PTPRZ1: variants seen among roughly 807,000 people sequenced by gnomAD.
PTPRZ1 encodes the protein protein tyrosine phosphatase receptor type Z1.
Under a neutral mutation model 214.1 loss-of-function variants are expected in PTPRZ1, and 82 were observed. The observed-to-expected ratio is 0.38, with a 90% CI of 0.32 to 0.46. PTPRZ1 has a LOEUF of 0.46. Ranked by LOEUF, PTPRZ1 falls within the 20% of genes least tolerant of loss-of-function variation. PTPRZ1 has a pLI of 1.00. For synonymous variants in PTPRZ1, 945 were observed against 987.9 expected (o/e 0.96, Z 0.81); for missense variants, 2,603 against 2,748.7 (o/e 0.95, Z 1.19).
At chr7:122,009,909 T>G (rs1798596010) in intron 11 of PTPRZ1, among the ~76,000 whole-genome samples, 1 of 152,200 alleles carries the variant, frequency 6.6e-6, no homozygotes, top group African/African-American at 2.4e-5. Context: ...TTCAACTACT[T>G]TGGTCTTTAA....
intron 11 of PTPRZ1, among the ~76,000 whole-genome samples, chr7:122,008,944 A>G (rs1446087068): frequency 6.6e-6 from 1 of 152,136 alleles, no homozygotes; most frequent in Non-Finnish European, 1.5e-5. Context: ...TTAGGTTTGT[A>G]GATTATAGGA....
At chr7:122,056,307 A>G (rs1156585796) in intron 27 of PTPRZ1, among the ~76,000 whole-genome samples, 1 of 151,858 alleles carries the variant, frequency 6.6e-6, no homozygotes, top group African/African-American at 2.4e-5. Context: ...TTTTTCTCCT[A>G]GTATTATTCA....
intron 1 of PTPRZ1, among the ~76,000 whole-genome samples, chr7:121,919,921 A>C (rs1299106237): frequency 1.3e-5 from 2 of 152,082 alleles, no homozygotes; most frequent in African/African-American, 4.8e-5. Flanking sequence ...ATAAATTTTC[A>C]AAAAAATTCT....
intron 1 of PTPRZ1, among the ~76,000 whole-genome samples, chr7:121,885,169 T>G (rs1008495238): frequency 1.3e-5 from 2 of 152,204 alleles, no homozygotes; most frequent in African/African-American, 4.8e-5. Flanking sequence ...GCAAAATGTG[T>G]ATGTTAAAAC....
At chr7:121,962,552 C>G (rs1364158476) in intron 2 of PTPRZ1, among the ~76,000 whole-genome samples, 1 of 151,724 alleles carries the variant, frequency 6.6e-6, no homozygotes, top group African/African-American at 2.4e-5. Flanking sequence ...GTTCTTTTGT[C>G]TTTGTTTTAT....
intron 8 of PTPRZ1, 84 bp downstream of exon 8, chr7:121,984,201 G>T (rs1797702037): frequency 8.4e-7 from 1 of 1,197,450 alleles, no homozygotes; most frequent in African/African-American, 1.5e-5. Flanking sequence ...AAATATAGAG[G>T]ACTTAGAGCT....
At chr7:121,997,029 C>T (rs1004477394) in intron 9 of PTPRZ1, among the ~76,000 whole-genome samples, 1 of 152,140 alleles carries the variant, frequency 6.6e-6, no homozygotes, top group Non-Finnish European at 1.5e-5. Context: ...TGGGTCAGAA[C>T]TTTGGGGATG....
chr7:122,046,276 C>A (rs1304723994), intron 23 of PTPRZ1, among the ~76,000 whole-genome samples: 1 of 151,960 alleles, frequency 6.6e-6, no homozygotes, highest in African/African-American at 2.4e-5. Context: ...GGGTGGGTGG[C>A]ATGAGCCTGT....
chr7:122,061,334 C>T lies in PTPRZ1; in HGVS notation c.*114C>T. Reference sequence around the variant, plus strand: ...TTGATTTCCCATCACCTGACAGTAACTTTCATGACATAGGATTCTGCCGCC... The same window carrying T: ...TTGATTTCCCATCACCTGACAGTAATTTTCATGACATAGGATTCTGCCGCC... On this transcript the variant is annotated 3_prime_UTR_variant, in exon 30 of 30. Coordinates refer to ENST00000393386, the MANE Select transcript of PTPRZ1 (RefSeq NM_002851.3). The T allele has an allele frequency of 6.5e-6, 7 of 1,079,096 alleles. No homozygotes were observed. Among genetic ancestry groups the T allele is most frequent in the Non-Finnish European group, 8.6e-6 (7 of 811,424 alleles). The allele number at this position is 1,079,096 out of a possible 1,614,324, so 66.8% of individuals were successfully genotyped here.
chr7:122,013,928 G>T (rs769676587), intron 12 of PTPRZ1, 39 bp downstream of exon 12: 1 of 1,467,836 alleles, frequency 6.8e-7, no homozygotes, highest in South Asian at 1.4e-5. Context: ...AGGTGTGGTG[G>T]TTTGCTTGCT....
At chr7:121,976,948 A>G in intron 6 of PTPRZ1, 97 bp downstream of exon 6, 1 of 952,412 alleles carries the variant, frequency 1.0e-6, no homozygotes, top group Non-Finnish European at 1.6e-6. Context: ...AAAAGGTGGA[A>G]AGTACTACAT....
chr7:121,954,776 G>C (rs1361115210), intron 2 of PTPRZ1, among the ~76,000 whole-genome samples: 1 of 152,146 alleles, frequency 6.6e-6, no homozygotes. Context: ...ACAAATAAAA[G>C]CTGCAATCAG....
intron 1 of PTPRZ1, among the ~76,000 whole-genome samples, chr7:121,884,736 A>G (rs531364293): frequency 1.4e-4 from 21 of 152,362 alleles, no homozygotes; most frequent in African/African-American, 4.3e-4. Context: ...GGTTACAGAT[A>G]TGAATTGTAC....
At chr7:121,902,242 T>C (rs1794983351) in intron 1 of PTPRZ1, among the ~76,000 whole-genome samples, 1 of 152,216 alleles carries the variant, frequency 6.6e-6, no homozygotes, top group African/African-American at 2.4e-5. Flanking sequence ...TTAAAATTCA[T>C]TTATCCATTG....
intron 13 of PTPRZ1, among the ~76,000 whole-genome samples, chr7:122,024,205 G>T (rs1365154092): frequency 6.6e-6 from 1 of 150,968 alleles, no homozygotes; most frequent in Non-Finnish European, 1.5e-5. Flanking sequence ...AAGTTTCTAA[G>T]ATGCAAAAAT....
intron 1 of PTPRZ1, among the ~76,000 whole-genome samples, chr7:121,922,128 CA>C: frequency 6.6e-6 from 1 of 152,210 alleles, no homozygotes; most frequent in African/African-American, 2.4e-5. Flanking sequence ...CTTAGCAAAT[CA>C]AGGTTTTGGG....
intron 11 of PTPRZ1, among the ~76,000 whole-genome samples, chr7:122,008,635 A>G (rs1798559968): frequency 6.6e-6 from 1 of 152,094 alleles, no homozygotes; most frequent in Non-Finnish European, 1.5e-5. Context: ...CAGGAAGGCC[A>G]TCTGCTGAGA....
intron 8 of PTPRZ1, among the ~76,000 whole-genome samples, chr7:121,992,787 G>C (rs899063091): frequency 1.3e-5 from 2 of 152,186 alleles, no homozygotes; most frequent in Non-Finnish European, 2.9e-5. Flanking sequence ...GCAGATGAGA[G>C]TGGAATGCCA....
chr7:121,912,829 C>T (rs1426260492), intron 1 of PTPRZ1, among the ~76,000 whole-genome samples: 1 of 152,076 alleles, frequency 6.6e-6, no homozygotes. Context: ...TTGGTGAGAA[C>T]AGAATGTTCA....
Sources: allele counts gnomAD v4.1 joint callset (sites outside exome capture counted in the v4.1 genomes callset), GRCh38; gene constraint gnomAD v4.1.1; transcripts MANE v1.5; gene names NCBI Gene and HGNC (gene_info 2026-07-23, HGNC 2026-07-21).